ZNF385D: variants seen among roughly 807,000 people sequenced by gnomAD.
ZNF385D encodes zinc finger protein 659.
A neutral mutation model predicts 35.8 loss-of-function variants in ZNF385D; 15 were observed. The ratio of observed to expected loss-of-function variants is 0.42; its 90% CI spans 0.28 to 0.64. The LOEUF (loss-of-function observed/expected upper bound fraction) is 0.64, where lower values mean the gene tolerates loss of function less well. ZNF385D is among the 30% of genes least tolerant of loss of function. The pLI, the probability that ZNF385D is intolerant of heterozygous loss-of-function variation, is 0.23. For synonymous variants in ZNF385D, 212 were observed against 186.8 expected (o/e 1.13, Z -1.10); for missense variants, 474 against 494.6 (o/e 0.96, Z 0.39).
intron 3 of ZNF385D, chr3:21,563,318 A>C (rs1488493710): frequency 6.6e-6 from 1 of 152,416 alleles, no homozygotes; most frequent in African/African-American, 2.4e-5. Flanking sequence ...CGGAACTGTG[A>C]GAAATAAATT....
chr3:21,799,976 C>A (rs1161789408), intron 3 of ZNF385D, among the ~76,000 whole-genome samples: 2 of 152,078 alleles, frequency 1.3e-5, no homozygotes, highest in African/African-American at 4.8e-5. Flanking sequence ...TGTAGATACC[C>A]AGTTGTCTCA....
At chr3:21,894,542 G>C (rs929029422) in intron 3 of ZNF385D, among the ~76,000 whole-genome samples, 16 of 152,044 alleles carry the variant, frequency 1.1e-4, no homozygotes, top group Non-Finnish European at 1.8e-4. Flanking sequence ...ACTAGTTATA[G>C]CTATGACTTT....
intron 1 of ZNF385D, among the ~76,000 whole-genome samples, chr3:21,679,778 A>G (rs950389473): frequency 6.6e-6 from 1 of 152,078 alleles, no homozygotes; most frequent in African/African-American, 2.4e-5. Context: ...TATCCAAGCG[A>G]CTTACTTGAT....
intron 2 of ZNF385D, among the ~76,000 whole-genome samples, chr3:21,588,665 A>G (rs1274942280): frequency 6.6e-6 from 1 of 152,172 alleles, no homozygotes; most frequent in African/African-American, 2.4e-5. Context: ...TGAATAAAGT[A>G]TAATATGATT....
chr3:22,033,402 A>AAATAATAAT (rs59555475), intron 3 of ZNF385D, among the ~76,000 whole-genome samples: 22,760 of 139,148 alleles, frequency 0.16, 3,039 homozygotes, highest in African/African-American at 0.37. Flanking sequence ...GCTGGCTCCA[A>AAATAATAAT]AATAATAATA....
chr3:21,619,131 C>G (rs946302844), intron 2 of ZNF385D, among the ~76,000 whole-genome samples: 2 of 152,090 alleles, frequency 1.3e-5, no homozygotes, highest in Admixed American at 1.3e-4. Flanking sequence ...CCCCAATTAC[C>G]TCACCTTTTC....
chr3:21,536,706 A>G (rs139437237), intron 3 of ZNF385D, among the ~76,000 whole-genome samples: 201 of 152,254 alleles, frequency 1.3e-3, no homozygotes, highest in African/African-American at 4.0e-3. Flanking sequence ...AATATACATA[A>G]TAAATAATTA....
chr3:22,365,139 T>C (rs946178158), intron 2 of ZNF385D, among the ~76,000 whole-genome samples: 4 of 152,130 alleles, frequency 2.6e-5, no homozygotes, highest in African/African-American at 9.6e-5. Flanking sequence ...AGTTTCAGTT[T>C]TGCAAGATGA....
chr3:21,858,649 T>C (rs758328718), intron 3 of ZNF385D, among the ~76,000 whole-genome samples: 8 of 152,118 alleles, frequency 5.3e-5, no homozygotes, highest in Non-Finnish European at 8.8e-5. Flanking sequence ...TTCCCAGCAT[T>C]TAAAACTGTG....
At chr3:22,015,665 G>A (rs765322596) in intron 3 of ZNF385D, among the ~76,000 whole-genome samples, 2 of 152,088 alleles carry the variant, frequency 1.3e-5, no homozygotes, top group Non-Finnish European at 2.9e-5. Flanking sequence ...TAACAACAAT[G>A]GCTTTATTAC....
At chr3:22,208,306 G>T (rs550027618) in intron 2 of ZNF385D, among the ~76,000 whole-genome samples, 1 of 151,906 alleles carries the variant, frequency 6.6e-6, no homozygotes, top group African/African-American at 2.4e-5. Flanking sequence ...TGGAACTGGA[G>T]GTCTTTATGT....
rs561892947 is a variant in ZNF385D, at chr3:22,257,905, C to A, written c.107-88870G>T. 1.3e-4 allele frequency among the ~76,000 whole-genome samples: 19 copies of A among 151,856 alleles called. No homozygotes were observed. In the South Asian group the frequency reaches 3.5e-3, roughly 28 times the overall value. ...GTGATATTTTTAAAAAATTAGGTTA[C>A]CAATGCTACAAAATATCTTACATTA... On this transcript the variant is annotated intron_variant, in intron 2 of 5. Transcript: ENST00000494108.
At chr3:21,708,396 G>A (rs903371077) in intron 1 of ZNF385D, among the ~76,000 whole-genome samples, 3 of 152,124 alleles carry the variant, frequency 2.0e-5, no homozygotes, top group African/African-American at 7.2e-5. Context: ...CTCTTAAGCG[G>A]AAGAAATAGG....
intron 3 of ZNF385D, among the ~76,000 whole-genome samples, chr3:21,815,701 C>A (rs1008772962): frequency 6.6e-6 from 1 of 152,240 alleles, no homozygotes; most frequent in Admixed American, 6.5e-5. Flanking sequence ...GCCTACCAAC[C>A]AAAACCAGTA....
At chr3:22,347,493 T>G (rs1342991519) in intron 2 of ZNF385D, among the ~76,000 whole-genome samples, 1 of 152,166 alleles carries the variant, frequency 6.6e-6, no homozygotes, top group African/African-American at 2.4e-5. Flanking sequence ...TAGAAAAGGC[T>G]AGCTAACATC....
intron 3 of ZNF385D, among the ~76,000 whole-genome samples, chr3:22,029,567 A>G (rs1697792675): frequency 6.6e-6 from 1 of 152,240 alleles, no homozygotes; most frequent in Non-Finnish European, 1.5e-5. Context: ...GAGGACTGTT[A>G]TCATGAGTAT....
chr3:21,523,734 T>A (rs1708053120), intron 3 of ZNF385D, among the ~76,000 whole-genome samples: 1 of 152,072 alleles, frequency 6.6e-6, no homozygotes, highest in African/African-American at 2.4e-5. Context: ...ATTTAAAGAT[T>A]ATGTTCTCTA....
At chr3:22,178,871 G>C (rs527433541) in intron 2 of ZNF385D, among the ~76,000 whole-genome samples, 15 of 152,206 alleles carry the variant, frequency 9.9e-5, no homozygotes, top group African/African-American at 3.4e-4. Context: ...TTTTTGCCAG[G>C]TTTGTCAAAG....
At chr3:22,098,962 C>G (rs1701778402) in intron 3 of ZNF385D, among the ~76,000 whole-genome samples, 2 of 151,938 alleles carry the variant, frequency 1.3e-5, no homozygotes, top group South Asian at 4.1e-4. Flanking sequence ...TATTCTAATA[C>G]TCTATACTAA....
Sources: gnomAD v4.1 joint callset for allele counts (sites outside exome capture counted in the v4.1 genomes callset) on GRCh38, gnomAD v4.1.1 for gene constraint, MANE v1.5 for transcripts, NCBI Gene and HGNC (gene_info 2026-07-23, HGNC 2026-07-21) for gene names.